Variants in PHIP observed in about 807,000 individuals in gnomAD.
PHIP encodes the protein PH-interacting protein.
In PHIP, 54 loss-of-function variants were observed where a neutral mutation model predicts 236.8. That is an observed-to-expected ratio of 0.23 (90% CI 0.18 to 0.29). PHIP has a LOEUF of 0.29. PHIP is among the 10% of genes least tolerant of loss of function. The pLI is 1.00. For missense variants in PHIP, 1,370 were observed against 2,190.8 expected (o/e 0.63, Z 7.48); for synonymous variants, 756 against 718.9 (o/e 1.05, Z -0.83).
At chr6:78,988,699 A>T (rs61649774) in intron 20 of PHIP, among the ~76,000 whole-genome samples, 2,740 of 152,190 alleles carry the variant, frequency 0.018, 88 homozygotes, top group African/African-American at 0.061. Context: ...GGTTATGCTG[A>T]TATTTACTTG....
chr6:78,947,685 A>G lies in PHIP; in HGVS notation c.4144T>C (p.Cys1382Arg), dbSNP rs1399032960. 6.5e-7 allele frequency: 1 copy of G among 1,541,566 alleles called. No homozygotes were observed. Among genetic ancestry groups the G allele is most frequent in the South Asian group, 1.1e-5 (1 of 89,158 alleles). ...AGNYESPMEL[C>R]KDVRLIFSNS... ...CTGAAAATAAGTCTGACATCTTTAC[A>G]TAACTCCATTGGTGACTCATAATTC... The change falls in exon 36 of 40, where the codon TGT (cysteine) becomes CGT (arginine). Residue 1382 changes from cysteine (C) to arginine (R), a missense_variant. By Grantham distance (180) the Cys-to-Arg change is radical. This residue lies in a region of PHIP where 125 missense variants were observed against 235.1 expected (regional missense o/e 0.53). Transcript: ENST00000275034.
chr6:79,065,764 CCACACA>C (rs58570604), intron 4 of PHIP, among the ~76,000 whole-genome samples: 1,473 of 143,420 alleles, frequency 0.01, 14 homozygotes, highest in East Asian at 0.016. Flanking sequence ...CTTAACTATA[CCACACA>C]CACACACACA....
intron 4 of PHIP, among the ~76,000 whole-genome samples, chr6:79,071,327 T>C (rs1271808354): frequency 1.3e-5 from 2 of 152,220 alleles, no homozygotes; most frequent in Admixed American, 6.5e-5. Flanking sequence ...AAACATGTTA[T>C]CATTTTCACC....
At position 78,954,943 on chromosome 6, in the gene PHIP, T is replaced by C; in HGVS notation, c.3924A>G (p.Arg1308=). The C allele has an allele frequency of 6.4e-7, 1 of 1,570,384 alleles. No individual in the cohort carries two copies. Among genetic ancestry groups the C allele is most frequent in the Non-Finnish European group, 8.6e-7 (1 of 1,164,366 alleles). ...RKRKDHQPRR[R]LRNRAQSYDI... is the part of the protein sequence containing the mutation. Reference sequence around the variant, plus strand: ...CGTAAGACTGGGCTCTATTACGTAATCTTCTTCTAGGCTGATGGTCCTGTG... The same window carrying C: ...CGTAAGACTGGGCTCTATTACGTAACCTTCTTCTAGGCTGATGGTCCTGTG... The change falls in exon 35 of 40, where the codon AGA becomes AGG. Residue 1308 remains arginine (R), a synonymous_variant. Coordinates refer to ENST00000275034, the MANE Select transcript of PHIP (RefSeq NM_017934.7).
chr6:79,050,609 G>C (rs1014133897), intron 6 of PHIP, among the ~76,000 whole-genome samples: 2 of 152,244 alleles, frequency 1.3e-5, no homozygotes, highest in South Asian at 4.1e-4. Flanking sequence ...TTTCTCTATA[G>C]AGCATACGTT....
Position 78,965,999 on chromosome 6 carries a change from T to C in PHIP, c.3263A>G (p.Gln1088Arg), listed in dbSNP as rs1322322578. The part of the protein sequence containing the change: ...DAWWFGTIES[Q>R]EPLQLEYPDS... ...AGGGTACTCAAGTTGAAGAGGTTCC[T>C]GGCTTTCGATTGTTCCAAACCACCA... Residue 1088 changes from glutamine (Q) to arginine (R), a missense_variant, in exon 28 of 40, where the codon CAG (glutamine) becomes CGG (arginine). By Grantham distance (43) the Gln-to-Arg change is conservative. Around this residue, in one of 14 missense-constraint regions of PHIP, gnomAD observed 238 missense variants for 398.5 expected, o/e 0.60. Coordinates refer to ENST00000275034, the MANE Select transcript of PHIP (RefSeq NM_017934.7). 2 of 1,613,898 alleles carry C rather than the reference T, an allele frequency of 1.2e-6. No individual in the cohort carries two copies. The highest frequency in any genetic ancestry group is 1.7e-5 in the Admixed American group (1 of 60,018).
intron 7 of PHIP, among the ~76,000 whole-genome samples, chr6:79,039,396 C>A (rs1410779825): frequency 2.6e-5 from 4 of 152,160 alleles, no homozygotes; most frequent in Non-Finnish European, 5.9e-5. Flanking sequence ...CAAGCTGTTA[C>A]TTCTCTAGTA....
intron 6 of PHIP, among the ~76,000 whole-genome samples, chr6:79,051,606 T>C (rs1240732462): frequency 6.6e-6 from 1 of 152,118 alleles, no homozygotes; most frequent in Non-Finnish European, 1.5e-5. Flanking sequence ...ACCATAAAGA[T>C]GCATAATGTC....
At chr6:78,948,807 C>T (rs1226085510) in intron 35 of PHIP, among the ~76,000 whole-genome samples, 1 of 152,144 alleles carries the variant, frequency 6.6e-6, no homozygotes, top group African/African-American at 2.4e-5. Context: ...AGCTTTTCAA[C>T]AGTCCCTCAG....
intron 6 of PHIP, among the ~76,000 whole-genome samples, chr6:79,060,195 C>T (rs1005363238): frequency 1.3e-4 from 19 of 151,864 alleles, no homozygotes; most frequent in Admixed American, 3.3e-4. Context: ...ATTGATTCTA[C>T]TAACTCGACC....
intron 19 of PHIP, among the ~76,000 whole-genome samples, chr6:78,995,798 T>C (rs1249219506): frequency 6.6e-6 from 1 of 152,216 alleles, no homozygotes; most frequent in East Asian, 1.9e-4. Flanking sequence ...TCCATTTTAA[T>C]TAATGGATGA....
chr6:78,987,172 AT>A (rs1441581506), intron 21 of PHIP, among the ~76,000 whole-genome samples: 1 of 152,134 alleles, frequency 6.6e-6, no homozygotes, highest in African/African-American at 2.4e-5. Flanking sequence ...GTTTCTGGAA[AT>A]ACAGTTCTTA....
chr6:79,058,199 T>C (rs1367443724), intron 6 of PHIP, among the ~76,000 whole-genome samples: 1 of 152,082 alleles, frequency 6.6e-6, no homozygotes, highest in Non-Finnish European at 1.5e-5. Flanking sequence ...TGGCAATTAA[T>C]TCTGTTACCT....
intron 15 of PHIP, among the ~76,000 whole-genome samples, chr6:79,009,072 T>A (rs983925384): frequency 6.6e-6 from 1 of 152,144 alleles, no homozygotes. Context: ...CTCACACTTA[T>A]TCAATTTCAT....
At chr6:78,974,448 A>G (rs1767887438) in intron 24 of PHIP, among the ~76,000 whole-genome samples, 2 of 151,856 alleles carry the variant, frequency 1.3e-5, no homozygotes, top group Admixed American at 6.6e-5. Context: ...TTGACACCCT[A>G]ACATCACAAT....
At chr6:78,989,766 G>A (rs181026130) in intron 20 of PHIP, among the ~76,000 whole-genome samples, 4 of 152,086 alleles carry the variant, frequency 2.6e-5, no homozygotes, top group Admixed American at 2.6e-4. Context: ...CATCCATAAA[G>A]GTAGTAGCAA....
intron 4 of PHIP, among the ~76,000 whole-genome samples, chr6:79,074,739 G>C (rs1040973546): frequency 2.0e-5 from 3 of 151,958 alleles, no homozygotes; most frequent in Non-Finnish European, 2.9e-5. Flanking sequence ...TGAAATGAAC[G>C]CATCAATTTT....
rs1582308887 is a variant in PHIP at position 79,062,535 on chromosome 6, A to C, written c.190-1717T>G. On this transcript the variant is annotated intron_variant, in intron 4 of 39. Coordinates refer to ENST00000275034, the MANE Select transcript of PHIP (RefSeq NM_017934.7). Reference sequence around the variant, plus strand: ...CCTTTTAAAAATTTTACTTTAAAGAAGATGGAAGTTCATTACTTATTAACT... The same window carrying C: ...CCTTTTAAAAATTTTACTTTAAAGACGATGGAAGTTCATTACTTATTAACT... 2.6e-5 allele frequency among the ~76,000 whole-genome samples: 4 copies of C among 152,320 alleles called. No homozygotes were observed. In the South Asian group the frequency reaches 8.3e-4, roughly 32 times the overall value.
intron 7 of PHIP, among the ~76,000 whole-genome samples, chr6:79,038,135 A>T (rs1273280308): frequency 6.6e-6 from 1 of 152,230 alleles, no homozygotes; most frequent in Non-Finnish European, 1.5e-5. Context: ...GCTAAAACAG[A>T]ACATTTTTTG....
Sources: allele counts gnomAD v4.1 joint callset (sites outside exome capture counted in the v4.1 genomes callset), GRCh38; gene constraint gnomAD v4.1.1; regional missense constraint gnomAD v4.1.1; transcripts MANE v1.5; gene names NCBI Gene and HGNC (gene_info 2026-07-23, HGNC 2026-07-21).